The following SMURF1 variants were observed in gnomAD, a reference collection of about 807,000 sequenced individuals.
SMURF1 encodes SMAD specific E3 ubiquitin protein ligase 1, also known as E3 ubiquitin-protein ligase SMURF1.
A neutral mutation model predicts 98.0 loss-of-function variants in SMURF1; 44 were observed. The observed-to-expected ratio is 0.45, with a 90% confidence interval of 0.35 to 0.58. The LOEUF (loss-of-function observed/expected upper bound fraction) is 0.58. SMURF1 is among the 20% of genes least tolerant of loss of function. The probability of loss-of-function intolerance (pLI) is 0.00; values close to 1 mark genes in which losing one functional copy is unlikely to be tolerated. For missense variants in SMURF1, 687 were observed against 938.4 expected (o/e 0.73, Z 3.50); for synonymous variants, 396 against 374.9 (o/e 1.06, Z -0.65).
chr7:99,105,960 T>C (rs914812297), intron 1 of SMURF1, among the ~76,000 whole-genome samples: 4 of 152,208 alleles, frequency 2.6e-5, no homozygotes, highest in Admixed American at 1.3e-4. Context: ...CAATCCGTCA[T>C]CCCTTTGCCT....
intron 1 of SMURF1, among the ~76,000 whole-genome samples, chr7:99,136,257 T>C (rs1797990762): frequency 1.3e-5 from 2 of 152,186 alleles, no homozygotes; most frequent in Admixed American, 1.3e-4. Flanking sequence ...TTCAAATCCA[T>C]TTCCATTTTC....
chr7:99,137,962 T>C (rs988916449), intron 1 of SMURF1, among the ~76,000 whole-genome samples: 5 of 152,224 alleles, frequency 3.3e-5, no homozygotes, highest in Non-Finnish European at 5.9e-5. Flanking sequence ...CATAGCTCCA[T>C]GGCTTTCCTT....
At chr7:99,063,986 T>G (rs1796130743) in intron 1 of SMURF1, among the ~76,000 whole-genome samples, 1 of 152,162 alleles carries the variant, frequency 6.6e-6, no homozygotes, top group Non-Finnish European at 1.5e-5. Flanking sequence ...CGAAGTGGTG[T>G]TAGATTTTGT....
chr7:99,077,047 T>G (rs1269577291), intron 1 of SMURF1, among the ~76,000 whole-genome samples: 1 of 151,888 alleles, frequency 6.6e-6, no homozygotes, highest in Non-Finnish European at 1.5e-5. Flanking sequence ...CTCTTTTTGG[T>G]AAAATTGTGT....
At chr7:99,116,654 C>G (rs1797462376) in intron 1 of SMURF1, among the ~76,000 whole-genome samples, 1 of 151,944 alleles carries the variant, frequency 6.6e-6, no homozygotes, top group Non-Finnish European at 1.5e-5. Context: ...ATAAACTTAA[C>G]CAAAAAAATA....
At chr7:99,053,890 T>C (rs1488986231) in intron 6 of SMURF1, among the ~76,000 whole-genome samples, 1 of 152,138 alleles carries the variant, frequency 6.6e-6, no homozygotes, top group Admixed American at 6.6e-5. Flanking sequence ...AACCCAAAGA[T>C]TTTTAATATA....
chr7:99,039,308 C>T (rs915361141), intron 13 of SMURF1, among the ~76,000 whole-genome samples: 3 of 151,864 alleles, frequency 2.0e-5, no homozygotes, highest in Non-Finnish European at 4.4e-5. Context: ...CTTGAATCTG[C>T]CATCGTTCTT....
At chr7:99,045,569 C>T (rs988122274) in intron 11 of SMURF1, 129 bp downstream of exon 11, 5 of 712,544 alleles carry the variant, frequency 7.0e-6, no homozygotes, top group East Asian at 2.7e-5. Flanking sequence ...CATGATGGCC[C>T]GACTGCTCCA....
At chr7:99,045,013 C>T (rs964311111) in intron 11 of SMURF1, among the ~76,000 whole-genome samples, 5 of 152,086 alleles carry the variant, frequency 3.3e-5, no homozygotes, top group African/African-American at 1.2e-4. Flanking sequence ...GTGGCACACA[C>T]CTGTAGTTCC....
intron 1 of SMURF1, among the ~76,000 whole-genome samples, chr7:99,120,237 G>T (rs1382311059): frequency 6.6e-6 from 1 of 152,180 alleles, no homozygotes; most frequent in South Asian, 2.1e-4. Context: ...TGTACAGCCT[G>T]CAGGACCGTG....
intron 1 of SMURF1, among the ~76,000 whole-genome samples, chr7:99,095,774 G>C (rs1796944718): frequency 6.6e-6 from 1 of 152,144 alleles, no homozygotes; most frequent in Non-Finnish European, 1.5e-5. Flanking sequence ...TGCGCACTTA[G>C]CATTAGTTTG....
At chr7:99,133,694 A>G (rs1797924664) in intron 1 of SMURF1, among the ~76,000 whole-genome samples, 1 of 152,228 alleles carries the variant, frequency 6.6e-6, no homozygotes, top group Admixed American at 6.5e-5. Flanking sequence ...AATACTCACC[A>G]AAAGACATAT....
intron 8 of SMURF1, chr7:99,050,655 AG>A: frequency 2.9e-6 from 1 of 344,128 alleles, no homozygotes; most frequent in Non-Finnish European, 5.3e-6. Context: ...CATTTCTAAC[AG>A]GGGGTACAAA....
At chr7:99,125,142 C>A (rs937007317) in intron 1 of SMURF1, among the ~76,000 whole-genome samples, 1 of 152,144 alleles carries the variant, frequency 6.6e-6, no homozygotes, top group Non-Finnish European at 1.5e-5. Context: ...TCAGAAGCAC[C>A]ATCATGGCTC....
intron 1 of SMURF1, among the ~76,000 whole-genome samples, chr7:99,072,424 A>T (rs989678054): frequency 6.6e-6 from 1 of 151,944 alleles, no homozygotes; most frequent in South Asian, 2.1e-4. Context: ...CAGGTGGATC[A>T]CCTGAGGTCA....
chr7:99,107,845 T>C (rs1797226524), intron 1 of SMURF1, among the ~76,000 whole-genome samples: 1 of 152,162 alleles, frequency 6.6e-6, no homozygotes, highest in South Asian at 2.1e-4. Flanking sequence ...CACCAGCATA[T>C]GGAGACATCT....
intron 16 of SMURF1, 36 bp downstream of exon 16, chr7:99,035,479 C>G: frequency 6.2e-7 from 1 of 1,610,668 alleles, no homozygotes; most frequent in Non-Finnish European, 8.5e-7. Context: ...CGCACATAGA[C>G]GCGTCATCGA....
chr7:99,061,685 A>G lies in SMURF1; in HGVS notation c.94+114T>C, dbSNP rs1221028421. 4.3e-6 allele frequency: 3 copies of G among 705,352 alleles called. No individual in the cohort carries two copies. In the East Asian group the frequency reaches 8.5e-5, roughly 20 times the overall value. The allele number at this position is 705,352 out of a possible 1,614,324, so 43.7% of individuals were successfully genotyped here. A position where few individuals can be genotyped will look rare whatever the true frequency, so the allele number is the denominator to read the frequency against. On this transcript the variant is annotated intron_variant, in intron 2 of 17. Coordinates refer to ENST00000361368, the MANE Select transcript of SMURF1 (RefSeq NM_181349.3). ...AAAGCTTGGAGAACCATGGATTTCT[A>G]TTAAGTAAAGGGCAAAACTTTGAAG...
At chr7:99,074,348 T>C (rs376835330) in intron 1 of SMURF1, among the ~76,000 whole-genome samples, 7 of 152,296 alleles carry the variant, frequency 4.6e-5, no homozygotes, top group African/African-American at 1.2e-4. Context: ...TAAACATCAA[T>C]AGACAGAATA....
Sources: gnomAD v4.1 joint callset for allele counts (sites outside exome capture counted in the v4.1 genomes callset) on GRCh38, gnomAD v4.1.1 for gene constraint, MANE v1.5 for transcripts, NCBI Gene and HGNC (gene_info 2026-07-23, HGNC 2026-07-21) for gene names.